SHANK1: variants seen among roughly 807,000 people sequenced by gnomAD.
SHANK1 encodes the protein SH3 and multiple ankyrin repeat domains 1.
Under a neutral mutation model 165.6 loss-of-function variants are expected in SHANK1, and 35 were observed. The observed-to-expected ratio is 0.21, with a 90% CI of 0.16 to 0.28. SHANK1 has a LOEUF of 0.28. SHANK1 is among the 10% of genes least tolerant of loss of function. SHANK1 has a pLI of 1.00. For synonymous variants in SHANK1, 1,428 were observed against 1,384.8 expected (o/e 1.03, Z -0.69); for missense variants, 2,681 against 3,036.4 (o/e 0.88, Z 2.75).
Position 50,668,369 on chromosome 19 carries a change from C to A in SHANK1, c.3591G>T (p.Ser1197=), listed in dbSNP as rs760770221. 2.4e-6 allele frequency: 3 copies of A among 1,264,130 alleles called. No homozygotes were observed. Among genetic ancestry groups the A allele is most frequent in the Non-Finnish European group, 1.0e-6 (1 of 1,003,890 alleles). 78.3% of individuals were successfully genotyped at this position (1,264,130 alleles called of 1,614,324 possible). A position where few individuals can be genotyped will look rare whatever the true frequency, so the allele number is the denominator to read the frequency against. ...GTGACATGGCCGGGGCGGGGCTGGGCGAGGAGCCGCCGCCGCCGCCGCCTC... is the reference window on the plus strand; with the variant it reads ...GTGACATGGCCGGGGCGGGGCTGGGAGAGGAGCCGCCGCCGCCGCCGCCTC... ...PTGGGGGGGS[S]PSPAPAMSPV... Residue 1197 remains serine, a synonymous_variant, in exon 23 of 24, where the codon TCG becomes TCT. Coordinates refer to ENST00000293441, the MANE Select transcript of SHANK1 (RefSeq NM_016148.5).
At chr19:50,711,162 A>G in intron 8 of SHANK1, 1 of 569,382 alleles carries the variant, frequency 1.8e-6, no homozygotes, top group South Asian at 2.1e-5. Context: ...CCTGATACAG[A>G]GGAGCTCAGT....
chr19:50,691,423 A>AC (rs937360872), intron 15 of SHANK1, among the ~76,000 whole-genome samples: 1 of 150,566 alleles, frequency 6.6e-6, no homozygotes, highest in African/African-American at 2.4e-5. Flanking sequence ...CATGCCACAA[A>AC]CCCCTCCCTT....
intron 8 of SHANK1, among the ~76,000 whole-genome samples, chr19:50,707,053 C>T (rs2088947320): frequency 6.6e-6 from 1 of 152,230 alleles, no homozygotes; most frequent in Admixed American, 6.5e-5. Context: ...GCTGGGATAA[C>T]AGGCATGAGC....
At chr19:50,689,408 C>G (rs988060396) in intron 15 of SHANK1, 129 bp from the exon 16 acceptor site, 8 of 745,854 alleles carry the variant, frequency 1.1e-5, no homozygotes, top group East Asian at 2.6e-5. Context: ...ATTGCATCTC[C>G]TAGGATCTCT....
At position 50,662,589 on chromosome 19, in the gene SHANK1, G is replaced by C; in HGVS notation, c.5862C>G (p.Thr1954=). ...WPKPPLPPLP[T]GTGVSPTAAA... is the part of the protein sequence containing the mutation. ...CGGCTGTAGGGGAGACCCCTGTTCC[G>C]GTGGGGAGTGGCGGCAGAGGTGGTT... The change falls in exon 24 of 24, where the codon ACC becomes ACG. Residue 1954 remains threonine (T), a synonymous_variant. Coordinates refer to ENST00000293441, the MANE Select transcript of SHANK1 (RefSeq NM_016148.5). The surrounding 1 kb of genome is among the most constrained non-coding windows in gnomAD (Gnocchi z 7.7). The C allele has an allele frequency of 1.1e-5, 17 of 1,565,540 alleles. No individual in the cohort carries two copies. The highest frequency in any genetic ancestry group is 1.5e-5 in the Non-Finnish European group (17 of 1,154,598).
rs375663996 is a variant in SHANK1 at position 50,714,176 on chromosome 19, C to T, written c.640+6G>A. 6.2e-7 allele frequency: 1 copy of T among 1,613,418 alleles called. No individual in the cohort carries two copies. The highest frequency in any genetic ancestry group is 1.1e-5 in the South Asian group (1 of 91,032). ...TGAGGTCCTCCTGATGCGCACCCCT[C>T]CCTACCTCCCGAATCCGAGTCATGG... On this transcript the variant is annotated splice_donor_region_variant and intron_variant, in intron 5 of 23. Coordinates refer to ENST00000293441, the MANE Select transcript of SHANK1 (RefSeq NM_016148.5).
intron 15 of SHANK1, among the ~76,000 whole-genome samples, chr19:50,696,874 C>A (rs1986758010): frequency 6.6e-6 from 1 of 152,240 alleles, no homozygotes; most frequent in South Asian, 2.1e-4. Flanking sequence ...GCCACAAAGG[C>A]ACCAGTATAT....
chr19:50,660,449 C>A lies in SHANK1; in HGVS notation c.*1516G>T, dbSNP rs1481915689. On this transcript the variant is annotated 3_prime_UTR_variant, in exon 24 of 24. Coordinates refer to ENST00000293441, the MANE Select transcript of SHANK1 (RefSeq NM_016148.5). ...CCAGTGTGCATAGGGTCTTCTCTCA[C>A]CAGGAAGAGAAAGAGCTTAAGGAGG... Among the ~76,000 whole-genome samples, 4 of 151,762 alleles carry A rather than the reference C, an allele frequency of 2.6e-5. 1 individual carries two copies. In the South Asian group the frequency reaches 6.2e-4, roughly 24 times the overall value.
Position 50,660,430 on chromosome 19 carries a change from T to G in SHANK1, c.*1535A>C, listed in dbSNP as rs1046336055. ...AAGCATGGTGAGCAGGAAGCCAGTGTGCATAGGGTCTTCTCTCACCAGGAA... is the reference window on the plus strand; with the variant it reads ...AAGCATGGTGAGCAGGAAGCCAGTGGGCATAGGGTCTTCTCTCACCAGGAA... On this transcript the variant is annotated 3_prime_UTR_variant, in exon 24 of 24. Coordinates refer to ENST00000293441, the MANE Select transcript of SHANK1 (RefSeq NM_016148.5). Among the ~76,000 whole-genome samples the G allele has an allele frequency of 2.0e-5, 3 of 151,870 alleles. No homozygotes were observed. Among genetic ancestry groups the G allele is most frequent in the African/African-American group, 7.3e-5 (3 of 41,334 alleles).
At chr19:50,681,576 C>T (rs536512568) in intron 21 of SHANK1, among the ~76,000 whole-genome samples, 1 of 152,240 alleles carries the variant, frequency 6.6e-6, no homozygotes, top group South Asian at 2.1e-4. Context: ...AGAACTGTGG[C>T]TGCCTGGCAC....
rs148995167 is a variant in SHANK1, at chr19:50,685,474, G to A, written c.2577+763C>T. Among the ~76,000 whole-genome samples, 696 of 152,212 alleles carry A rather than the reference G, an allele frequency of 4.6e-3. 8 individuals are homozygous for A. Among genetic ancestry groups the A allele is most frequent in the Non-Finnish European group, 7.8e-3 (530 of 68,014 alleles). On this transcript the variant is annotated intron_variant, in intron 21 of 23. Coordinates refer to ENST00000293441, the MANE Select transcript of SHANK1 (RefSeq NM_016148.5). ...GCTGGTGGCTCACGCCTGTAATCCC[G>A]GCACTTTGGAGGGCTGAGGCGGGCA... is the stretch of plus-strand genomic sequence containing the variant.
chr19:50,694,004 C>A (rs886451970), intron 15 of SHANK1, among the ~76,000 whole-genome samples: 1 of 147,192 alleles, frequency 6.8e-6, no homozygotes, highest in Non-Finnish European at 1.5e-5. Flanking sequence ...TGGGACAGAC[C>A]CACTCCAGCA....
chr19:50,703,780 C>G lies in SHANK1; in HGVS notation c.1273G>C (p.Gly425Arg). Residue 425 changes from glycine to arginine, a missense_variant, in exon 11 of 24, where the codon GGC becomes CGC. Gly to Arg is a moderately radical substitution (Grantham distance 125). Around this residue, in one of 10 missense-constraint regions of SHANK1, gnomAD observed 49 missense variants for 55.6 expected, o/e 0.88. Coordinates refer to ENST00000293441, the MANE Select transcript of SHANK1 (RefSeq NM_016148.5). ...GCCGGGGGCACCGTCAGCCCTGTGC[C>G]TGGGGGCCCCCGTCGCCGGGCCGCG... ...KYAARRRGPP[G>R]TGLTVPPALL... The G allele has an allele frequency of 7.0e-7, 1 of 1,430,016 alleles. No individual in the cohort carries two copies. Among genetic ancestry groups the G allele is most frequent in the South Asian group, 1.5e-5 (1 of 67,336 alleles). The allele number at this position is 1,430,016 out of a possible 1,614,324, so 88.6% of individuals were successfully genotyped here.
rs568687558 is a variant in SHANK1, at chr19:50,661,357, A to G, written c.*608T>C. Among the ~76,000 whole-genome samples the G allele has an allele frequency of 5.3e-5, 8 of 152,196 alleles. No individual in the cohort carries two copies. Among genetic ancestry groups the G allele is most frequent in the Non-Finnish European group, 1.2e-4 (8 of 68,028 alleles). On this transcript the variant is annotated 3_prime_UTR_variant, in exon 24 of 24. Transcript: ENST00000293441. The stretch of plus-strand genomic sequence containing the variant: ...AGAGTGTATTTGAGCGGGCCTCGCC[A>G]GCCAGAAGCAAAGGCAGAATGTGCA...
At chr19:50,673,669 G>A (rs1460844948) in intron 21 of SHANK1, among the ~76,000 whole-genome samples, 2 of 152,078 alleles carry the variant, frequency 1.3e-5, no homozygotes, top group Non-Finnish European at 2.9e-5. Context: ...CCCAGGCATC[G>A]CACCTACAGT....
Position 50,697,225 on chromosome 19 carries a change from G to A in SHANK1, c.1938-103C>T, listed in dbSNP as rs1986770764. On this transcript the variant is annotated intron_variant, in intron 14 of 23. Coordinates refer to ENST00000293441, the MANE Select transcript of SHANK1 (RefSeq NM_016148.5). The surrounding 1 kb of genome is among the most constrained non-coding windows in gnomAD (Gnocchi z 4.7). ...GCCCTGACTGCACCCTCCCCACACC[G>A]GTGCATGGGACACACACATTCCCAC... is the stretch of plus-strand genomic sequence containing the variant. The A allele has an allele frequency of 1.8e-5, 27 of 1,474,326 alleles. No individual in the cohort carries two copies. The highest frequency in any genetic ancestry group is 2.4e-5 in the East Asian group (1 of 41,144). The allele number at this position is 1,474,326 out of a possible 1,614,324, so 91.3% of individuals were successfully genotyped here.
At position 50,713,822 on chromosome 19, in the gene SHANK1, G is replaced by C; in HGVS notation, c.768C>G (p.Cys256Trp). 6.2e-7 allele frequency: 1 copy of C among 1,613,624 alleles called. No individual in the cohort carries two copies. Among genetic ancestry groups the C allele is most frequent in the Non-Finnish European group, 8.5e-7 (1 of 1,179,974 alleles). Reference protein sequence around the residue: ...DGMTALHKAACARHCLALTAL... With the variant: ...DGMTALHKAAWARHCLALTAL... ...CCGTGAGTGCCAGGCAGTGTCGGGC[G>C]CATGCGGCCTTATGCAGTGCGGTCA... The change falls in exon 6 of 24, where the codon TGC (cysteine) becomes TGG (tryptophan). Residue 256 changes from cysteine (C) to tryptophan (W), a missense_variant. By Grantham distance (215) the Cys-to-Trp change is radical (BLOSUM62 -2). Around this residue, in one of 10 missense-constraint regions of SHANK1, gnomAD observed 189 missense variants for 440.9 expected, o/e 0.43. Coordinates refer to ENST00000293441, the MANE Select transcript of SHANK1 (RefSeq NM_016148.5). This position sits in a 1 kb window ranked among gnomAD's most constrained non-coding sequence, Gnocchi z 6.2.
rs1985098159 is a variant in SHANK1 at position 50,659,469 on chromosome 19, A to G, written c.*2496T>C. Among the ~76,000 whole-genome samples the G allele has an allele frequency of 6.6e-6, 1 of 151,780 alleles. No individual in the cohort carries two copies. Among genetic ancestry groups the G allele is most frequent in the Non-Finnish European group, 1.5e-5 (1 of 67,934 alleles). Reference sequence around the variant, plus strand: ...CTTGAGGGATGAACTGAAGCCCGCGAAAGGGAAGACCTGGGCACCGGGGCT... The same window carrying G: ...CTTGAGGGATGAACTGAAGCCCGCGGAAGGGAAGACCTGGGCACCGGGGCT... On this transcript the variant is annotated 3_prime_UTR_variant, in exon 24 of 24. Coordinates refer to ENST00000293441, the MANE Select transcript of SHANK1 (RefSeq NM_016148.5).
chr19:50,666,081 C>G, intron 23 of SHANK1, 111 bp downstream of exon 23: 1 of 1,038,296 alleles, frequency 9.6e-7, no homozygotes, highest in Non-Finnish European at 1.3e-6. Flanking sequence ...TGACAGCAAA[C>G]TCCTGCCAAC....
Sources: allele counts gnomAD v4.1 joint callset (sites outside exome capture counted in the v4.1 genomes callset), GRCh38; gene constraint gnomAD v4.1.1; regional missense constraint gnomAD v4.1.1; non-coding constraint Gnocchi (gnomAD v3.1); transcripts MANE v1.5; gene names NCBI Gene and HGNC (gene_info 2026-07-23, HGNC 2026-07-21).